The following MCCC1 variants were observed in gnomAD, a reference collection of about 807,000 sequenced individuals.
MCCC1 encodes the protein methylcrotonyl-CoA carboxylase subunit 1.
MCCC1 carries 64 observed loss-of-function variants against 83.8 expected under a neutral mutation model. The ratio of observed to expected loss-of-function variants is 0.76; its 90% CI spans 0.62 to 0.94. MCCC1 has a LOEUF of 0.94. Ranked by LOEUF, MCCC1 falls within the 40% of genes least tolerant of loss-of-function variation. The pLI, the probability that MCCC1 is intolerant of heterozygous loss-of-function variation, is 0.00. For synonymous variants in MCCC1, 322 were observed against 315.4 expected, an observed-to-expected ratio of 1.02 and a Z score of -0.22; for missense variants, 807 against 904.7, an observed-to-expected ratio of 0.89 and a Z score of 1.39.
upstream of MCCC1, among the ~76,000 whole-genome samples, chr3:183,102,380 A>C (rs1307251146): frequency 6.6e-6 from 1 of 152,172 alleles, no homozygotes; most frequent in Non-Finnish European, 1.5e-5. Flanking sequence ...GAAGCAAAAA[A>C]AATAACTGAA....
upstream of MCCC1, among the ~76,000 whole-genome samples, chr3:183,103,256 A>G (rs891641879): frequency 9.2e-5 from 14 of 152,074 alleles, no homozygotes; most frequent in African/African-American, 7.2e-5. Flanking sequence ...GAGCGAAAGA[A>G]CAAAGCTTCC....
chr3:183,065,593 C>T (rs1050925559), intron 7 of MCCC1, among the ~76,000 whole-genome samples: 13 of 150,966 alleles, frequency 8.6e-5, no homozygotes, highest in Non-Finnish European at 1.5e-5. Context: ...TTTTGAAATG[C>T]GTTTTTGGTA....
At chr3:183,041,038 C>T (rs1314524444) in intron 11 of MCCC1, among the ~76,000 whole-genome samples, 1 of 152,176 alleles carries the variant, frequency 6.6e-6, no homozygotes, top group Non-Finnish European at 1.5e-5. Flanking sequence ...GAAAGGAACA[C>T]AAGTAGAAAA....
intron 8 of MCCC1, among the ~76,000 whole-genome samples, chr3:183,052,599 G>T (rs1031580720): frequency 6.6e-6 from 1 of 152,042 alleles, no homozygotes; most frequent in African/African-American, 2.4e-5. Flanking sequence ...ACAAGGTCAG[G>T]AGATTGAGAC....
At chr3:183,105,690 T>TA (rs1719391128) in intron 1 of MCCC1, among the ~76,000 whole-genome samples, 1 of 150,748 alleles carries the variant, frequency 6.6e-6, no homozygotes, top group Non-Finnish European at 1.5e-5. Context: ...TCACTAATGG[T>TA]AAAAAAGAAG....
intron 17 of MCCC1, among the ~76,000 whole-genome samples, chr3:183,018,844 G>C (rs1394571284): frequency 6.6e-6 from 1 of 152,180 alleles, no homozygotes; most frequent in Non-Finnish European, 1.5e-5. Flanking sequence ...TAGTAAATGT[G>C]AAGACAATCT....
chr3:183,039,218 A>G (rs907593932), intron 11 of MCCC1, 83 bp from the exon 12 acceptor site: 3 of 1,260,006 alleles, frequency 2.4e-6, no homozygotes, highest in Non-Finnish European at 3.5e-6. Context: ...TGTTATGTAC[A>G]TTTCACGCTT....
intron 9 of MCCC1, among the ~76,000 whole-genome samples, chr3:183,046,495 T>C (rs1714568663): frequency 6.6e-6 from 1 of 151,600 alleles, no homozygotes; most frequent in South Asian, 2.1e-4. Flanking sequence ...CCTCCCGGGT[T>C]CAAGCAATTC....
chr3:183,057,567 A>G, intron 7 of MCCC1, 145 bp from the exon 8 acceptor site: 2 of 738,052 alleles, frequency 2.7e-6, no homozygotes, highest in East Asian at 5.5e-5. Flanking sequence ...ACCTCAAATT[A>G]GAGGTTATGG....
chr3:183,022,689 T>A, intron 15 of MCCC1, 135 bp from the exon 16 acceptor site: 1 of 796,980 alleles, frequency 1.3e-6, no homozygotes, highest in Non-Finnish European at 1.9e-6. Context: ...ATATATTTTT[T>A]AAAAAGTCAT....
intron 18 of MCCC1, among the ~76,000 whole-genome samples, chr3:183,016,580 T>C (rs1480217940): frequency 6.6e-6 from 1 of 152,172 alleles, no homozygotes; most frequent in Non-Finnish European, 1.5e-5. Context: ...TGCAATTCAA[T>C]GGGTCTGGGG....
chr3:183,113,824 T>C (rs13098857), intron 1 of MCCC1, among the ~76,000 whole-genome samples: 98,588 of 151,972 alleles, frequency 0.65, 34,424 homozygotes, highest in Non-Finnish European at 0.79. Context: ...GTTGTGGAAA[T>C]CCTGATTTTT....
intron 17 of MCCC1, among the ~76,000 whole-genome samples, chr3:183,018,725 T>C (rs544716329): frequency 6.6e-6 from 1 of 152,318 alleles, no homozygotes; most frequent in East Asian, 1.9e-4. Context: ...TATACTTAAA[T>C]GTCTTCCCCA....
intron 10 of MCCC1, among the ~76,000 whole-genome samples, chr3:183,043,374 T>C (rs1241598996): frequency 6.6e-6 from 1 of 152,236 alleles, no homozygotes; most frequent in Non-Finnish European, 1.5e-5. Flanking sequence ...GCCCCAATCA[T>C]GCCTCTGGGT....
At chr3:183,097,036 G>C (rs4859276) in intron 1 of MCCC1, among the ~76,000 whole-genome samples, 74,555 of 152,086 alleles carry the variant, frequency 0.49, 21,602 homozygotes, top group Non-Finnish European at 0.65. Flanking sequence ...GAAAAAGAGG[G>C]AGAAAGAGAC....
intron 17 of MCCC1, among the ~76,000 whole-genome samples, chr3:183,019,529 C>T (rs1476293829): frequency 2.0e-5 from 3 of 152,180 alleles, no homozygotes; most frequent in African/African-American, 7.2e-5. Context: ...AGTAGACTCT[C>T]ACCAGACACT....
Position 183,020,017 on chromosome 3 carries a change from G to GGA in MCCC1, c.1977+111_1977+112dup, listed in dbSNP as rs560052890. The GGA allele has an allele frequency of 5.0e-4, 398 of 788,748 alleles. 4 individuals are homozygous for GGA. In the East Asian group the frequency reaches 0.01, roughly 20 times the overall value. The allele number at this position is 788,748 out of a possible 1,614,324, so 48.9% of individuals were successfully genotyped here. ...ATAGATCCTCTTGTTTTTGTGAAGT[G>GGA]GATGCTTTCCAATGAGCAAGGTTTA... On this transcript the variant is annotated intron_variant, in intron 17 of 18. Coordinates refer to ENST00000265594, the MANE Select transcript of MCCC1 (RefSeq NM_020166.5).
At chr3:183,106,532 T>C (rs1378067575) in intron 1 of MCCC1, among the ~76,000 whole-genome samples, 2 of 151,942 alleles carry the variant, frequency 1.3e-5, no homozygotes, top group African/African-American at 4.8e-5. Flanking sequence ...AGAGTCTCGC[T>C]CTGTCGCCCA....
At chr3:183,041,243 G>A (rs935718274) in intron 11 of MCCC1, among the ~76,000 whole-genome samples, 3 of 152,120 alleles carry the variant, frequency 2.0e-5, no homozygotes, top group African/African-American at 4.8e-5. Context: ...AGTCTGCCTT[G>A]TGCATAGCAG....
Sources: gnomAD v4.1 joint callset for allele counts (sites outside exome capture counted in the v4.1 genomes callset) on GRCh38, gnomAD v4.1.1 for gene constraint, MANE v1.5 for transcripts, NCBI Gene and HGNC (gene_info 2026-07-23, HGNC 2026-07-21) for gene names.